Variants in LAMA2 observed in about 807,000 individuals in gnomAD.
LAMA2 encodes laminin subunit alpha 2.
In LAMA2, 269 loss-of-function variants were observed where a neutral mutation model predicts 364.8. That is an observed-to-expected ratio of 0.74 (90% CI 0.67 to 0.82). LAMA2 has a LOEUF of 0.82. LAMA2 is among the 40% of genes least tolerant of loss of function. The probability of loss-of-function intolerance (pLI) is 0.00; values close to 1 mark genes in which losing one functional copy is unlikely to be tolerated. For synonymous variants in LAMA2, 1,379 were observed against 1,370.6 expected (o/e 1.01, Z -0.14); for missense variants, 3,807 against 3,873.2 (o/e 0.98, Z 0.45).
intron 21 of LAMA2, among the ~76,000 whole-genome samples, chr6:129,298,378 C>A (rs963734636): frequency 6.6e-6 from 1 of 151,974 alleles, no homozygotes; most frequent in Admixed American, 6.6e-5. Flanking sequence ...TAGGTTGGCT[C>A]TAGATATTTA....
intron 29 of LAMA2, among the ~76,000 whole-genome samples, chr6:129,331,285 C>T (rs1359176120): frequency 2.0e-5 from 3 of 152,166 alleles, no homozygotes; most frequent in African/African-American, 7.2e-5. Context: ...TGCTGCTCTG[C>T]AATCATGCCA....
intron 1 of LAMA2, among the ~76,000 whole-genome samples, chr6:129,044,386 G>T (rs998376953): frequency 5.3e-5 from 8 of 152,036 alleles, no homozygotes; most frequent in African/African-American, 9.7e-5. Flanking sequence ...ATGCCAACAT[G>T]TGTGAACATA....
intron 1 of LAMA2, among the ~76,000 whole-genome samples, chr6:128,938,915 C>T (rs1779996431): frequency 6.6e-6 from 1 of 152,162 alleles, no homozygotes; most frequent in Non-Finnish European, 1.5e-5. Context: ...TCACTCATTT[C>T]CCTCCTTCTG....
At chr6:129,327,433 G>A (rs114483830) in intron 28 of LAMA2, among the ~76,000 whole-genome samples, 1,746 of 152,224 alleles carry the variant, frequency 0.011, 28 homozygotes, top group African/African-American at 0.04. Flanking sequence ...TAACCAAGGT[G>A]GTAAAATAGT....
At chr6:129,098,094 G>A in intron 3 of LAMA2, 79 bp from the exon 4 acceptor site, 1 of 1,392,782 alleles carries the variant, frequency 7.2e-7, no homozygotes, top group South Asian at 1.2e-5. Context: ...ATCTACTGTA[G>A]CATTTAGACT....
At position 129,316,101 on chromosome 6, in the gene LAMA2, T is replaced by C. The variant is rs1774588683; in HGVS notation, c.3988T>C (p.Leu1330=). Residue 1330 remains leucine (L), a synonymous_variant, in exon 27 of 65, where the codon TTG becomes CTG. Transcript: ENST00000421865. ...TAGAACTGTGACCCGAGAAGACTTCTTGGATATACTATATGATATTCATTA... is the reference window on the plus strand; with the variant it reads ...TAGAACTGTGACCCGAGAAGACTTCCTGGATATACTATATGATATTCATTA... ...VHRTVTREDF[L]DILYDIHYIL... 2 of 1,609,804 alleles carry C rather than the reference T, an allele frequency of 1.2e-6. No individual in the cohort carries two copies. The highest frequency in any genetic ancestry group is 2.2e-5 in the South Asian group (2 of 90,978).
rs1777978065 is a variant in LAMA2 at position 129,369,923 on chromosome 6, G to A, written c.4892G>A (p.Arg1631Lys). ...HLLSPQRAPE[R>K]LIQLAEGNLN... is the part of the protein sequence containing the mutation. ...CTGTCACCTCAGCGGGCCCCAGAGA[G>A]GCTTATTCAGCTGGCAGAGGGCAAT... The change falls in exon 34 of 65, where the codon AGG (arginine) becomes AAG (lysine). Residue 1631 changes from arginine to lysine, a missense_variant. By Grantham distance (26) the Arg-to-Lys change is conservative. Coordinates refer to ENST00000421865, the MANE Select transcript of LAMA2 (RefSeq NM_000426.4). 5.6e-6 allele frequency: 9 copies of A among 1,613,960 alleles called. No individual in the cohort carries two copies. The highest frequency in any genetic ancestry group is 7.6e-6 in the Non-Finnish European group (9 of 1,179,984).
At chr6:129,391,415 C>A in intron 35 of LAMA2, 76 bp from the exon 36 acceptor site, 2 of 1,218,018 alleles carry the variant, frequency 1.6e-6, no homozygotes, top group Non-Finnish European at 2.4e-6. Flanking sequence ...TGGTGGTGCC[C>A]AGCAGATGCT....
chr6:129,192,793 C>G lies in LAMA2; in HGVS notation c.1722C>G (p.Ala574=), dbSNP rs777308198. The G allele has an allele frequency of 7.4e-6, 12 of 1,614,056 alleles. No homozygotes were observed. The Admixed American group carries it at 1.3e-4, about 18-fold the overall frequency. Residue 574 remains alanine (A), a synonymous_variant, in exon 12 of 65, where the codon GCC becomes GCG. Transcript: ENST00000421865. The part of the protein sequence containing the change: ...PQQISISNAE[A]RQALPHSYYW... ...AGATCAGCATCAGTAACGCGGAGGC[C>G]CGGCAAGCCCTGCCGCACAGCTACT...
intron 40 of LAMA2, among the ~76,000 whole-genome samples, chr6:129,421,965 C>A (rs368605639): frequency 9.9e-5 from 15 of 152,162 alleles, no homozygotes; most frequent in East Asian, 3.9e-4. Flanking sequence ...ATCACACTCT[C>A]CTACTCAGAA....
At chr6:129,204,276 C>T (rs1782480650) in intron 12 of LAMA2, among the ~76,000 whole-genome samples, 1 of 152,206 alleles carries the variant, frequency 6.6e-6, no homozygotes, top group African/African-American at 2.4e-5. Context: ...CGCTTCATGT[C>T]TTCCCAAGAA....
intron 1 of LAMA2, among the ~76,000 whole-genome samples, chr6:129,040,153 A>C (rs1423469275): frequency 6.6e-6 from 1 of 152,180 alleles, no homozygotes; most frequent in Non-Finnish European, 1.5e-5. Flanking sequence ...GTTTCTGTGG[A>C]GTCACATTTT....
chr6:129,468,810 C>T (rs1783669128), intron 51 of LAMA2, among the ~76,000 whole-genome samples: 2 of 151,864 alleles, frequency 1.3e-5, no homozygotes, highest in African/African-American at 2.4e-5. Context: ...AGTGAAGATG[C>T]ATACGGTTCC....
At chr6:128,997,584 CAG>C (rs1349632799) in intron 1 of LAMA2, among the ~76,000 whole-genome samples, 3 of 151,734 alleles carry the variant, frequency 2.0e-5, no homozygotes, top group African/African-American at 4.8e-5. Context: ...CACTTGAGGT[CAG>C]GGGTTCCAGA....
intron 12 of LAMA2, among the ~76,000 whole-genome samples, chr6:129,223,284 C>T (rs1241050050): frequency 2.0e-5 from 3 of 152,100 alleles, no homozygotes; most frequent in African/African-American, 7.2e-5. Flanking sequence ...TTCTCCCATT[C>T]TGTAGGTTGC....
At chr6:129,244,633 T>G (rs1024586555) in intron 12 of LAMA2, among the ~76,000 whole-genome samples, 59 of 152,134 alleles carry the variant, frequency 3.9e-4, no homozygotes, top group African/African-American at 1.4e-3. Context: ...GTTCCAGGCT[T>G]ATTTCATGAA....
chr6:129,197,615 A>G (rs779976929), intron 12 of LAMA2, among the ~76,000 whole-genome samples: 1 of 152,248 alleles, frequency 6.6e-6, no homozygotes, highest in African/African-American at 2.4e-5. Context: ...TCTTTGGCAC[A>G]TATTCTCAGG....
intron 47 of LAMA2, among the ~76,000 whole-genome samples, chr6:129,455,862 G>T (rs903701624): frequency 3.3e-5 from 5 of 152,114 alleles, no homozygotes; most frequent in African/African-American, 4.8e-5. Flanking sequence ...AATTTTAGGA[G>T]AAATCATGCA....
chr6:129,312,585 C>T (rs1008488825), intron 22 of LAMA2, among the ~76,000 whole-genome samples: 2 of 152,126 alleles, frequency 1.3e-5, no homozygotes, highest in African/African-American at 4.8e-5. Flanking sequence ...CATACCCAGC[C>T]CCTCTCTACC....
Sources: gnomAD v4.1 joint callset for allele counts (sites outside exome capture counted in the v4.1 genomes callset) on GRCh38, gnomAD v4.1.1 for gene constraint, MANE v1.5 for transcripts, NCBI Gene and HGNC (gene_info 2026-07-23, HGNC 2026-07-21) for gene names.